The following RYR3 variants were observed in gnomAD, a reference collection of about 807,000 sequenced individuals.
RYR3 encodes the protein ryanodine receptor 3.
RYR3 carries 207 observed loss-of-function variants against 584.3 expected under a neutral mutation model. That is an observed-to-expected ratio of 0.35 (90% CI 0.32 to 0.40). The LOEUF (loss-of-function observed/expected upper bound fraction) is 0.40, where lower values mean the gene tolerates loss of function less well. RYR3 is among the 10% of genes least tolerant of loss of function. The pLI is 1.00. For synonymous variants in RYR3, 2,416 were observed against 2,248.5 expected (o/e 1.07, Z -2.11); for missense variants, 5,616 against 6,089.2 (o/e 0.92, Z 2.59).
intron 1 of RYR3, among the ~76,000 whole-genome samples, chr15:33,448,688 A>G (rs1023255935): frequency 3.3e-5 from 5 of 152,322 alleles, no homozygotes; most frequent in Admixed American, 6.5e-5. Flanking sequence ...TATTTTCACT[A>G]TTTCAGTGCA....
intron 60 of RYR3, among the ~76,000 whole-genome samples, chr15:33,760,650 T>C (rs60847291): frequency 0.28 from 42,542 of 152,030 alleles, 7,333 homozygotes; most frequent in Admixed American, 0.47. Flanking sequence ...CACACAATAA[T>C]AGTGGGAGAC....
At chr15:33,520,938 C>A (rs1443215079) in intron 3 of RYR3, among the ~76,000 whole-genome samples, 1 of 152,158 alleles carries the variant, frequency 6.6e-6, no homozygotes, top group African/African-American at 2.4e-5. Context: ...GTTCCCCAAC[C>A]ATTATGGATT....
intron 1 of RYR3, among the ~76,000 whole-genome samples, chr15:33,372,586 C>CG (rs2040419482): frequency 6.6e-6 from 1 of 151,984 alleles, no homozygotes; most frequent in Non-Finnish European, 1.5e-5. Context: ...AGGATGGTCT[C>CG]AGTCTCCTGA....
At chr15:33,559,040 T>C (rs2057260044) in intron 10 of RYR3, among the ~76,000 whole-genome samples, 1 of 152,162 alleles carries the variant, frequency 6.6e-6, no homozygotes, top group African/African-American at 2.4e-5. Context: ...CTATTAGTTG[T>C]CTGGTACCGG....
chr15:33,686,934 G>A (rs2065052356), intron 38 of RYR3, among the ~76,000 whole-genome samples: 1 of 152,172 alleles, frequency 6.6e-6, no homozygotes, highest in African/African-American at 2.4e-5. Flanking sequence ...AATAATAAGA[G>A]CTGTCTATGA....
rs536151374 is a variant in RYR3 at position 33,400,463 on chromosome 15, T to C, written c.52-72956T>C. ...GCTAATTGATGACACCTGAGTCTTT[T>C]TGCATTCACGTGCTGGGGGAAAAGC... On this transcript the variant is annotated intron_variant, in intron 1 of 103. Transcript: ENST00000634891. Among the ~76,000 whole-genome samples, 6 of 152,326 alleles carry C rather than the reference T, an allele frequency of 3.9e-5. No individual in the cohort carries two copies. The South Asian group carries it at 1.2e-3, about 32-fold the overall frequency.
At chr15:33,778,156 C>T (rs565829342) in intron 64 of RYR3, among the ~76,000 whole-genome samples, 1 of 122,138 alleles carries the variant, frequency 8.2e-6, no homozygotes, top group Non-Finnish European at 2.0e-5. Context: ...GGCGACAGAG[C>T]AAGACTCTGT....
At chr15:33,337,898 G>C (rs1971320334) in intron 1 of RYR3, among the ~76,000 whole-genome samples, 1 of 147,854 alleles carries the variant, frequency 6.8e-6, no homozygotes, top group Non-Finnish European at 1.5e-5. Flanking sequence ...TGTCAGTAGA[G>C]GAAAATGATG....
chr15:33,525,741 T>C (rs184928118), intron 3 of RYR3, among the ~76,000 whole-genome samples: 136 of 152,342 alleles, frequency 8.9e-4, no homozygotes, highest in African/African-American at 3.1e-3. Context: ...AGTATTATTG[T>C]TTTCTACTTA....
intron 16 of RYR3, among the ~76,000 whole-genome samples, chr15:33,600,845 G>T (rs530544989): frequency 6.6e-6 from 1 of 152,100 alleles, no homozygotes; most frequent in Non-Finnish European, 1.5e-5. Flanking sequence ...GGAATCTTAC[G>T]TGCCTTTTTA....
In RYR3 at chr15:33,744,232, G is replaced by T. The variant is rs180678638; in HGVS notation, c.7899+1788G>T. On this transcript the variant is annotated intron_variant, in intron 52 of 103. Coordinates refer to ENST00000634891, the MANE Select transcript of RYR3 (RefSeq NM_001036.6). ...GATTTCTCAGCTCTGGGCCCTCTTA[G>T]CACCTTGTTCTTCTCTTTCATAGTA... is the stretch of plus-strand genomic sequence containing the variant. 2.3e-3 allele frequency among the ~76,000 whole-genome samples: 347 copies of T among 152,222 alleles called. 1 individual carries two copies. Among genetic ancestry groups the T allele is most frequent in the African/African-American group, 8.0e-3 (333 of 41,534 alleles).
rs143795343 is a variant in RYR3 at position 33,839,038 on chromosome 15, C to A, written c.12978+80C>A. 3.3e-6 allele frequency: 5 copies of A among 1,499,598 alleles called. No homozygotes were observed. The African/African-American group carries it at 7.0e-5, about 21-fold the overall frequency. 92.9% of individuals were successfully genotyped at this position (1,499,598 alleles called of 1,614,324 possible). On this transcript the variant is annotated intron_variant, in intron 89 of 103. Transcript: ENST00000634891. ...CCATATCTTGTAATCAGTACTGACA[C>A]CATTTCCCTAGGAGCCAACACTCTA...
intron 43 of RYR3, among the ~76,000 whole-genome samples, chr15:33,715,883 A>G (rs979949293): frequency 1.3e-5 from 2 of 152,132 alleles, no homozygotes; most frequent in Non-Finnish European, 2.9e-5. Flanking sequence ...CAAAGGCCAC[A>G]CTTCCTAATA....
chr15:33,832,198 G>T (rs2077721295), intron 86 of RYR3, among the ~76,000 whole-genome samples: 1 of 151,788 alleles, frequency 6.6e-6, no homozygotes, highest in South Asian at 2.1e-4. Flanking sequence ...GGAGCCTGAG[G>T]CAGGAGAATC....
chr15:33,818,717 G>A, intron 76 of RYR3, 33 bp downstream of exon 76: 1 of 1,498,724 alleles, frequency 6.7e-7, no homozygotes, highest in Non-Finnish European at 9.3e-7. Context: ...CTTCTCCCAG[G>A]CACCAGGGAT....
intron 90 of RYR3, among the ~76,000 whole-genome samples, chr15:33,841,602 G>GA (rs548241268): frequency 8.5e-5 from 13 of 152,092 alleles, no homozygotes; most frequent in East Asian, 1.9e-4. Flanking sequence ...TTCAGAAGGG[G>GA]AAAAAAATTG....
Position 33,697,866 on chromosome 15 carries a change from C to A in RYR3, c.6135-16C>A. The A allele has an allele frequency of 6.6e-7, 1 of 1,525,524 alleles. No individual in the cohort carries two copies. The highest frequency in any genetic ancestry group is 9.1e-7 in the Non-Finnish European group (1 of 1,099,202). 94.5% of individuals were successfully genotyped at this position (1,525,524 alleles called of 1,614,324 possible). Reference sequence around the variant, plus strand: ...AATAAGCAGGTGCTGAAGACTCTCTCTGATCCTTATCCTAGAGACATAATG... The same window carrying A: ...AATAAGCAGGTGCTGAAGACTCTCTATGATCCTTATCCTAGAGACATAATG... On this transcript the variant is annotated splice_polypyrimidine_tract_variant and intron_variant, in intron 39 of 103. Coordinates refer to ENST00000634891, the MANE Select transcript of RYR3 (RefSeq NM_001036.6).
chr15:33,623,553 CT>C (rs1357078967), intron 19 of RYR3, among the ~76,000 whole-genome samples: 1 of 151,960 alleles, frequency 6.6e-6, no homozygotes, highest in East Asian at 1.9e-4. Flanking sequence ...TTCTAAAAAC[CT>C]AGTGGTTTAT....
intron 43 of RYR3, among the ~76,000 whole-genome samples, chr15:33,716,249 C>T (rs766645826): frequency 1.3e-5 from 2 of 152,178 alleles, no homozygotes; most frequent in Non-Finnish European, 2.9e-5. Flanking sequence ...TACTCAGCCT[C>T]AGGTATTTTT....
Sources: gnomAD v4.1 joint callset for allele counts (sites outside exome capture counted in the v4.1 genomes callset) on GRCh38, gnomAD v4.1.1 for gene constraint, MANE v1.5 for transcripts, NCBI Gene and HGNC (gene_info 2026-07-23, HGNC 2026-07-21) for gene names.